The following MICU2 variants were observed in gnomAD, a reference collection of about 807,000 sequenced individuals.
MICU2 encodes mitochondrial calcium uptake 2.
A neutral mutation model predicts 60.4 loss-of-function variants in MICU2; 64 were observed. The ratio of observed to expected loss-of-function variants is 1.06; its 90% CI spans 0.87 to 1.31. The LOEUF is 1.31. Among genes scored for constraint, MICU2 ranks in the 50% most tolerant of loss-of-function variants. The pLI, the probability that MICU2 is intolerant of heterozygous loss-of-function variation, is 0.00. For synonymous variants in MICU2, 201 were observed against 175.0 expected, an observed-to-expected ratio of 1.15 and a Z score of -1.17; for missense variants, 569 against 531.0, an observed-to-expected ratio of 1.07 and a Z score of -0.70.
chr13:21,497,050 A>G (rs754406466), intron 9 of MICU2, among the ~76,000 whole-genome samples: 2 of 151,934 alleles, frequency 1.3e-5, no homozygotes, highest in Non-Finnish European at 2.9e-5. Flanking sequence ...CGACAGAGCG[A>G]GACTCTGTCT....
intron 1 of MICU2, among the ~76,000 whole-genome samples, chr13:21,568,357 C>T (rs1469897159): frequency 6.8e-6 from 1 of 147,864 alleles, no homozygotes; most frequent in Admixed American, 6.7e-5. Context: ...CAGAATATTG[C>T]ACGTGTACAG....
At chr13:21,602,234 A>G (rs1377674930) in intron 1 of MICU2, among the ~76,000 whole-genome samples, 1 of 149,294 alleles carries the variant, frequency 6.7e-6, no homozygotes, top group Non-Finnish European at 1.5e-5. Flanking sequence ...TAAAAACAGG[A>G]TGAATCGGCC....
At chr13:21,600,371 G>T (rs1888786831) in intron 1 of MICU2, among the ~76,000 whole-genome samples, 1 of 152,168 alleles carries the variant, frequency 6.6e-6, no homozygotes. Context: ...CCCTCCAGGT[G>T]TCAACCTACA....
In MICU2 at chr13:21,522,615, TAAGC is replaced by T. The variant is rs1886746119; in HGVS notation, c.498_501del (p.Leu167GlnfsTer24). On this transcript the variant is annotated frameshift_variant, in exon 5 of 12. Transcript: ENST00000382374. LOFTEE classifies it high-confidence loss of function. ...GTGGGATACTTACTAGTGAGGATTG[TAAGC>T]AAGAAAAGATACTCGGTATATGAAA... is the stretch of plus-strand genomic sequence containing the variant. 6.2e-7 allele frequency: 1 copy of T among 1,604,256 alleles called. No homozygotes were observed. Among genetic ancestry groups the T allele is most frequent in the African/African-American group, 1.3e-5 (1 of 74,474 alleles).
At position 21,503,031 on chromosome 13, in the gene MICU2, A is replaced by G. The variant is rs760848974; in HGVS notation, c.828T>C (p.Ser276=). The G allele has an allele frequency of 6.2e-7, 1 of 1,609,862 alleles. No individual in the cohort carries two copies. The highest frequency in any genetic ancestry group is 8.5e-7 in the Non-Finnish European group (1 of 1,178,730). The part of the protein sequence containing the change: ...MEFLQFSKGL[S]FMRKEDFAEW... ...CTGCAAAGTCTTCTTTTCTCATGAA[A>G]CTCAAACCTTTAGAAAACTGAAGGA... Residue 276 remains serine (S), a synonymous_variant, in exon 9 of 12, where the codon AGT becomes AGC. Coordinates refer to ENST00000382374, the MANE Select transcript of MICU2 (RefSeq NM_152726.3).
Position 21,544,526 on chromosome 13 carries a change from A to AC in MICU2, c.359-4839_359-4838insG. On this transcript the variant is annotated intron_variant, in intron 2 of 11. Coordinates refer to ENST00000382374, the MANE Select transcript of MICU2 (RefSeq NM_152726.3). Reference sequence around the variant, plus strand: ...GACCAATAAACACATGAAAAAAAAAAAAAAAAAACTCAATACCACTGATCA... The same window carrying AC: ...GACCAATAAACACATGAAAAAAAAAACAAAAAAAACTCAATACCACTGATCA... Among the ~76,000 whole-genome samples the AC allele has an allele frequency of 2.7e-5, 4 of 147,210 alleles. 1 individual carries two copies. The highest frequency in any genetic ancestry group is 9.9e-5 in the African/African-American group (4 of 40,330).
chr13:21,564,573 A>G (rs992286976), intron 2 of MICU2, among the ~76,000 whole-genome samples: 22 of 152,288 alleles, frequency 1.4e-4, no homozygotes, highest in African/African-American at 5.3e-4. Context: ...GTACCCTTCA[A>G]AAGCGGTTCT....
rs377227105 is a variant in MICU2 at position 21,514,121 on chromosome 13, C to T, written c.663+232G>A. ...GTGCAAACATCAGAGTGTACTTACA[C>T]AAACCTAGATGGTATACCCCACCAC... On this transcript the variant is annotated intron_variant, in intron 7 of 11. Coordinates refer to ENST00000382374, the MANE Select transcript of MICU2 (RefSeq NM_152726.3). 5.3e-5 allele frequency among the ~76,000 whole-genome samples: 8 copies of T among 152,312 alleles called. No individual in the cohort carries two copies. In the East Asian group the frequency reaches 1.5e-3, roughly 29 times the overall value.
At chr13:21,510,928 C>A (rs1028809726) in intron 7 of MICU2, among the ~76,000 whole-genome samples, 1 of 152,084 alleles carries the variant, frequency 6.6e-6, no homozygotes, top group East Asian at 1.9e-4. Context: ...AACCCTGAGA[C>A]AAGTCATGGC....
intron 1 of MICU2, among the ~76,000 whole-genome samples, chr13:21,568,418 C>T (rs1888033192): frequency 6.6e-6 from 1 of 152,110 alleles, no homozygotes; most frequent in Non-Finnish European, 1.5e-5. Flanking sequence ...CTATGCCTTT[C>T]CTTTTCTTTT....
At chr13:21,575,318 T>G (rs1888197417) in intron 1 of MICU2, among the ~76,000 whole-genome samples, 2 of 152,032 alleles carry the variant, frequency 1.3e-5, no homozygotes, top group South Asian at 2.1e-4. Context: ...AACGGAATAC[T>G]CATTTTTGCT....
chr13:21,539,652 C>CT lies in MICU2; in HGVS notation c.390+4dup. On this transcript the variant is annotated splice_donor_region_variant and intron_variant, in intron 3 of 11. Transcript: ENST00000382374. ...AAACCCTGCCCCCCACAACATGATG[C>CT]TTACCTTTTTTGTCAGCTTCTTGAC... 6 of 1,614,078 alleles carry CT rather than the reference C, an allele frequency of 3.7e-6. No homozygotes were observed. Among genetic ancestry groups the CT allele is most frequent in the Non-Finnish European group, 5.1e-6 (6 of 1,179,998 alleles).
At chr13:21,540,942 A>C (rs566794587) in intron 2 of MICU2, among the ~76,000 whole-genome samples, 157 of 152,252 alleles carry the variant, frequency 1.0e-3, no homozygotes, top group African/African-American at 3.7e-3. Flanking sequence ...TAGTCAATTA[A>C]CTTAAAAAAG....
At chr13:21,599,669 T>C (rs1888772483) in intron 1 of MICU2, among the ~76,000 whole-genome samples, 1 of 152,236 alleles carries the variant, frequency 6.6e-6, no homozygotes, top group Non-Finnish European at 1.5e-5. Flanking sequence ...TCCACTAATT[T>C]AGCTATCATC....
intron 2 of MICU2, among the ~76,000 whole-genome samples, chr13:21,556,706 A>C (rs904155619): frequency 6.6e-6 from 1 of 152,166 alleles, no homozygotes; most frequent in East Asian, 1.9e-4. Context: ...CTCGGGCAGC[A>C]AGGGAGGGAT....
intron 1 of MICU2, among the ~76,000 whole-genome samples, chr13:21,582,431 T>C (rs1247347129): frequency 1.3e-5 from 2 of 152,196 alleles, no homozygotes; most frequent in African/African-American, 4.8e-5. Context: ...AAAGCCAACA[T>C]AAGTAATTTT....
chr13:21,598,085 TTG>T (rs1362299811), intron 1 of MICU2, among the ~76,000 whole-genome samples: 3 of 152,086 alleles, frequency 2.0e-5, no homozygotes, highest in East Asian at 1.9e-4. Flanking sequence ...AATAAGGAAT[TTG>T]TATTTATTTA....
In MICU2 at chr13:21,596,464, C is replaced by T. The variant is rs543707875; in HGVS notation, c.210+7475G>A. On this transcript the variant is annotated intron_variant, in intron 1 of 11. Transcript: ENST00000382374. ...TTTGAGACAGAGTCTGGCTCTGTCACCCAGGCTGGAGTGCAGTGGTGCGAT... is the reference window on the plus strand; with the variant it reads ...TTTGAGACAGAGTCTGGCTCTGTCATCCAGGCTGGAGTGCAGTGGTGCGAT... 3.8e-4 allele frequency among the ~76,000 whole-genome samples: 58 copies of T among 151,726 alleles called. No individual in the cohort carries two copies. In the South Asian group the frequency reaches 5.6e-3, roughly 15 times the overall value.
chr13:21,584,993 A>C (rs1888427689), intron 1 of MICU2, among the ~76,000 whole-genome samples: 2 of 152,190 alleles, frequency 1.3e-5, no homozygotes. Context: ...GAAAAGGTTA[A>C]ATATACTTTG....
Sources: gnomAD v4.1 joint callset for allele counts (sites outside exome capture counted in the v4.1 genomes callset) on GRCh38, gnomAD v4.1.1 for gene constraint, MANE v1.5 for transcripts, NCBI Gene and HGNC (gene_info 2026-07-23, HGNC 2026-07-21) for gene names.